The following DOCK1 variants were observed in gnomAD, a reference collection of about 807,000 sequenced individuals.
DOCK1 encodes the protein dedicator of cytokinesis 1.
Under a neutral mutation model 262.7 loss-of-function variants are expected in DOCK1, and 138 were observed. The ratio of observed to expected loss-of-function variants is 0.53; its 90% CI spans 0.46 to 0.61. The LOEUF is 0.61. Among genes scored for constraint, DOCK1 ranks in the 20% least tolerant of loss-of-function variants. The pLI is 0.00. For synonymous variants in DOCK1, 866 were observed against 867.4 expected (o/e 1.00, Z 0.03); for missense variants, 1,908 against 2,370.7 (o/e 0.80, Z 4.05).
At chr10:127,263,481 A>G (rs938581046) in intron 29 of DOCK1, among the ~76,000 whole-genome samples, 9 of 132,404 alleles carry the variant, frequency 6.8e-5, no homozygotes, top group South Asian at 2.3e-4. Flanking sequence ...ATGGCCTGAC[A>G]TTATAGCTGT....
At chr10:127,152,022 TA>T (rs747087272) in intron 27 of DOCK1, among the ~76,000 whole-genome samples, 23,397 of 152,006 alleles carry the variant, frequency 0.15, 2,241 homozygotes, top group African/African-American at 0.27. Context: ...TATATATATA[TA>T]TTTTTTTTCG....
At chr10:127,209,053 C>A (rs2057851366) in intron 27 of DOCK1, among the ~76,000 whole-genome samples, 1 of 152,092 alleles carries the variant, frequency 6.6e-6, no homozygotes. Context: ...GTGTGTTTAA[C>A]CGAAGGAAAC....
intron 27 of DOCK1, among the ~76,000 whole-genome samples, chr10:127,181,508 G>A (rs1438273428): frequency 2.6e-5 from 4 of 152,156 alleles, no homozygotes; most frequent in African/African-American, 9.7e-5. Context: ...AGCAGTCTCC[G>A]CATATAGTAA....
intron 27 of DOCK1, among the ~76,000 whole-genome samples, chr10:127,214,622 A>G (rs1230457905): frequency 1.3e-5 from 2 of 152,150 alleles, no homozygotes; most frequent in African/African-American, 2.4e-5. Flanking sequence ...AGTGTTTGCT[A>G]TTAGGACAGC....
intron 38 of DOCK1, among the ~76,000 whole-genome samples, chr10:127,393,358 T>C (rs1231235039): frequency 6.6e-6 from 1 of 152,172 alleles, no homozygotes; most frequent in Non-Finnish European, 1.5e-5. Flanking sequence ...CCCATTTCCA[T>C]ATGCAATTAA....
intron 27 of DOCK1, among the ~76,000 whole-genome samples, chr10:127,187,333 A>G (rs2056366251): frequency 6.6e-6 from 1 of 152,228 alleles, no homozygotes; most frequent in Non-Finnish European, 1.5e-5. Context: ...AATAGAAGTT[A>G]GCATCGTAGT....
chr10:127,418,111 A>G (rs1231728670), intron 44 of DOCK1, among the ~76,000 whole-genome samples: 1 of 152,182 alleles, frequency 6.6e-6, no homozygotes, highest in South Asian at 2.1e-4. Context: ...GGATGACCAC[A>G]TATGTGCATA....
chr10:127,031,820 C>G, intron 17 of DOCK1, 67 bp downstream of exon 17: 2 of 1,348,712 alleles, frequency 1.5e-6, no homozygotes. Flanking sequence ...GCTCCCTGAC[C>G]TGGACCAACC....
At position 127,374,215 on chromosome 10, in the gene DOCK1, G is replaced by C; in HGVS notation, c.3675+1G>C. Reference sequence around the variant, plus strand: ...CATGAGCTGCACCGTCAATGTGCTGGTGAGTGAAAGCTTAATCACGTTTTT... The same window carrying C: ...CATGAGCTGCACCGTCAATGTGCTGCTGAGTGAAAGCTTAATCACGTTTTT... On this transcript the variant is annotated splice_donor_variant, in intron 35 of 51. Coordinates refer to ENST00000623213, the MANE Select transcript of DOCK1 (RefSeq NM_001290223.2). LOFTEE classifies it high-confidence loss of function. 1 of 1,606,250 alleles carries C rather than the reference G, an allele frequency of 6.2e-7. No individual in the cohort carries two copies. The highest frequency in any genetic ancestry group is 8.5e-7 in the Non-Finnish European group (1 of 1,177,016).
intron 29 of DOCK1, among the ~76,000 whole-genome samples, chr10:127,261,844 GT>G (rs1163574248): frequency 2.2e-5 from 3 of 135,636 alleles, no homozygotes; most frequent in Non-Finnish European, 4.6e-5. Context: ...GTGGGTGTGC[GT>G]GTGTGTACCT....
intron 23 of DOCK1, among the ~76,000 whole-genome samples, chr10:127,093,026 T>G (rs979205083): frequency 4.6e-5 from 7 of 152,072 alleles, no homozygotes; most frequent in Non-Finnish European, 8.8e-5. Flanking sequence ...ACCAGGGCCG[T>G]GCCCTCTCTG....
intron 27 of DOCK1, chr10:127,137,940 A>T (rs895983871): frequency 1.2e-6 from 2 of 1,614,122 alleles, no homozygotes; most frequent in Non-Finnish European, 1.7e-6. Flanking sequence ...CGAAGGTATG[A>T]CCTGAGTTTC....
intron 16 of DOCK1, among the ~76,000 whole-genome samples, chr10:127,027,965 TG>T (rs1227044919): frequency 1.3e-5 from 2 of 148,330 alleles, no homozygotes; most frequent in Non-Finnish European, 3.0e-5. Flanking sequence ...TGACTGTCAA[TG>T]GCAGATGTGT....
rs2070574194 is a variant in DOCK1 at position 127,446,594 on chromosome 10, C to T, written c.5414-800C>T. 6.6e-6 allele frequency among the ~76,000 whole-genome samples: 1 copy of T among 152,092 alleles called. No individual in the cohort carries two copies. The highest frequency in any genetic ancestry group is 2.4e-5 in the African/African-American group (1 of 41,420). ...CCTTATAAGCTTACAGTGTGGCCTT[C>T]CTAGCATGCATTTTCCTAATAAAGG... On this transcript the variant is annotated intron_variant, in intron 50 of 51. Transcript: ENST00000623213. This position sits in a 1 kb window ranked among gnomAD's most constrained non-coding sequence, Gnocchi z 4.4.
intron 22 of DOCK1, among the ~76,000 whole-genome samples, chr10:127,059,767 T>C (rs2045410498): frequency 6.6e-6 from 1 of 152,196 alleles, no homozygotes; most frequent in Non-Finnish European, 1.5e-5. Flanking sequence ...AATTGTAATA[T>C]CTAGATTATC....
intron 27 of DOCK1, among the ~76,000 whole-genome samples, chr10:127,246,864 C>T (rs1478890839): frequency 6.6e-6 from 1 of 152,108 alleles, no homozygotes; most frequent in Non-Finnish European, 1.5e-5. Flanking sequence ...AATTTGAGAG[C>T]TCATTTAATA....
chr10:127,132,886 A>G (rs2133163924), intron 27 of DOCK1, among the ~76,000 whole-genome samples: 1 of 152,332 alleles, frequency 6.6e-6, no homozygotes, highest in African/African-American at 2.4e-5. Context: ...ATTCATGAAA[A>G]TGAAAATGTG....
At chr10:127,066,550 C>T (rs1308301936) in intron 23 of DOCK1, among the ~76,000 whole-genome samples, 1 of 152,148 alleles carries the variant, frequency 6.6e-6, no homozygotes, top group Non-Finnish European at 1.5e-5. Flanking sequence ...ATAGGCAGCC[C>T]ACCTGGCTCT....
chr10:127,397,280 T>C (rs796976685), intron 38 of DOCK1, among the ~76,000 whole-genome samples: 3 of 122,018 alleles, frequency 2.5e-5, no homozygotes, highest in Non-Finnish European at 5.5e-5. Flanking sequence ...TCCTATGTGA[T>C]CTGAGCATGA....
Sources: gnomAD v4.1 joint callset for allele counts (sites outside exome capture counted in the v4.1 genomes callset) on GRCh38, gnomAD v4.1.1 for gene constraint, Gnocchi (gnomAD v3.1) non-coding constraint, MANE v1.5 for transcripts, NCBI Gene and HGNC (gene_info 2026-07-23, HGNC 2026-07-21) for gene names.